RMND5B: variants seen among roughly 807,000 people sequenced by gnomAD.
The protein encoded by RMND5B is E3 ubiquitin-protein transferase RMND5B.
In RMND5B, 42 loss-of-function variants were observed where a neutral mutation model predicts 50.4. The ratio of observed to expected loss-of-function variants is 0.83; its 90% CI spans 0.65 to 1.08. The LOEUF is 1.08. Among genes scored for constraint, RMND5B ranks in the 50% least tolerant of loss-of-function variants. The pLI is 0.00. For synonymous variants in RMND5B, 220 were observed against 210.0 expected, an observed-to-expected ratio of 1.05 and a Z score of -0.41; for missense variants, 463 against 508.5, an observed-to-expected ratio of 0.91 and a Z score of 0.86.
rs542136814 is a variant in RMND5B, at chr5:178,143,880, G to A, written c.528-62G>A. The A allele has an allele frequency of 6.0e-5, 95 of 1,585,482 alleles. No individual in the cohort carries two copies. In the African/African-American group the frequency reaches 9.7e-4, roughly 16 times the overall value. On this transcript the variant is annotated intron_variant, in intron 6 of 10. Coordinates refer to ENST00000313386, the MANE Select transcript of RMND5B (RefSeq NM_022762.5). Reference sequence around the variant, plus strand: ...CAGGCTTTTGGGGCCCTCCTCTCAGGTGCTGGCTCTCAGGTCCTAGCCCCC... The same window carrying A: ...CAGGCTTTTGGGGCCCTCCTCTCAGATGCTGGCTCTCAGGTCCTAGCCCCC...
At position 178,142,942 on chromosome 5, in the gene RMND5B, G is replaced by A; in HGVS notation, c.376G>A (p.Glu126Lys). ...QQQILQMAIV[E>K]HLYQQGMLSV... Reference sequence around the variant, plus strand: ...GCAGATCCTGCAGATGGCCATCGTGGAACACCTGTATCAGCAGGGCATGCT... The same window carrying A: ...GCAGATCCTGCAGATGGCCATCGTGAAACACCTGTATCAGCAGGGCATGCT... Residue 126 changes from glutamate (E) to lysine (K), a missense_variant, in exon 5 of 11, where the codon GAA becomes AAA. Physicochemically the swap from Glu to Lys is moderately conservative, Grantham distance 56. Coordinates refer to ENST00000313386, the MANE Select transcript of RMND5B (RefSeq NM_022762.5). 3.1e-6 allele frequency: 5 copies of A among 1,614,212 alleles called. No individual in the cohort carries two copies. The highest frequency in any genetic ancestry group is 4.2e-6 in the Non-Finnish European group (5 of 1,180,046).
At chr5:178,134,904 G>C (rs980464002) in intron 2 of RMND5B, among the ~76,000 whole-genome samples, 4 of 151,750 alleles carry the variant, frequency 2.6e-5, no homozygotes, top group East Asian at 3.9e-4. Flanking sequence ...TTGGACCCGG[G>C]AGGTGGAGGT....
intron 2 of RMND5B, among the ~76,000 whole-genome samples, chr5:178,132,824 T>C (rs1182432845): frequency 1.6e-4 from 22 of 138,210 alleles, no homozygotes; most frequent in Non-Finnish European, 2.9e-4. Context: ...GCGTTAAGAA[T>C]TGGGTCAATG....
At chr5:178,139,389 T>G (rs1335557491) in intron 3 of RMND5B, among the ~76,000 whole-genome samples, 1 of 151,892 alleles carries the variant, frequency 6.6e-6, no homozygotes, top group Non-Finnish European at 1.5e-5. Flanking sequence ...TATTTTTTAG[T>G]ACAGGTGGGG....
At chr5:178,145,307 A>ACCTCCACCTCCCCAGTGGATTTTACAGTC (rs1755933151) in intron 7 of RMND5B, among the ~76,000 whole-genome samples, 1 of 151,738 alleles carries the variant, frequency 6.6e-6, no homozygotes, top group African/African-American at 2.4e-5. Context: ...CAACATGGTG[A>ACCTCCACCTCCCCAGTGGATTTTACAGTC]AACCCCATCT....
intron 6 of RMND5B, 27 bp from the exon 7 acceptor site, chr5:178,143,915 A>G (rs1294747554): frequency 6.2e-7 from 1 of 1,612,672 alleles, no homozygotes; most frequent in South Asian, 1.1e-5. Flanking sequence ...CACCAGCTCT[A>G]CACTAAACTG....
At chr5:178,141,920 G>A (rs1333887182) in intron 3 of RMND5B, 1 of 152,504 alleles carries the variant, frequency 6.6e-6, no homozygotes, top group African/African-American at 2.4e-5. Context: ...ATTTTGGACA[G>A]TTCATATACA....
At chr5:178,142,824 C>T in intron 4 of RMND5B, 28 bp from the exon 5 acceptor site, 1 of 1,614,258 alleles carries the variant, frequency 6.2e-7, no homozygotes, top group South Asian at 1.1e-5. Context: ...GCCCGCATCA[C>T]CAGGCCCTGT....
rs1325642867 is a variant in RMND5B at position 178,137,440 on chromosome 5, C to T, written c.-12-668C>T. Reference sequence around the variant, plus strand: ...TGGTGGCTTATGCCTATAATCCCAGCACTTTGAGAGGCCAAGGTGGAAAGA... The same window carrying T: ...TGGTGGCTTATGCCTATAATCCCAGTACTTTGAGAGGCCAAGGTGGAAAGA... On this transcript the variant is annotated intron_variant, in intron 2 of 10. Coordinates refer to ENST00000313386, the MANE Select transcript of RMND5B (RefSeq NM_022762.5). The surrounding 1 kb of genome is among the most constrained non-coding windows in gnomAD (Gnocchi z 4.4). Among the ~76,000 whole-genome samples, 2 of 152,160 alleles carry T rather than the reference C, an allele frequency of 1.3e-5. No individual in the cohort carries two copies. The highest frequency in any genetic ancestry group is 2.4e-5 in the African/African-American group (1 of 41,430).
chr5:178,133,894 T>C (rs1758470907), intron 2 of RMND5B, among the ~76,000 whole-genome samples: 1 of 151,956 alleles, frequency 6.6e-6, no homozygotes, highest in Admixed American at 6.6e-5. Flanking sequence ...TGTATTTTTT[T>C]AGTAGAGATG....
In RMND5B at chr5:178,149,291, C is replaced by G. The variant is rs568405040; in HGVS notation, c.*1259C>G. The G allele has an allele frequency of 5.9e-6, 1 of 169,620 alleles. No homozygotes were observed. Among genetic ancestry groups the G allele is most frequent in the African/African-American group, 2.4e-5 (1 of 41,882 alleles). 10.5% of individuals were successfully genotyped at this position (169,620 alleles called of 1,614,324 possible). On this transcript the variant is annotated 3_prime_UTR_variant, in exon 11 of 11. Transcript: ENST00000313386. ...GAAAATGCTGGGATAGCAGCAGGAT[C>G]AGTTCTCAGCTTGAGCCAAAGCACC...
intron 7 of RMND5B, among the ~76,000 whole-genome samples, chr5:178,145,354 C>T (rs1382184049): frequency 2.6e-5 from 4 of 151,724 alleles, no homozygotes; most frequent in African/African-American, 7.3e-5. Flanking sequence ...GGCGTGGTGG[C>T]GGGCACCTGT....
chr5:178,139,690 C>T (rs1017678080), intron 3 of RMND5B, among the ~76,000 whole-genome samples: 1 of 150,978 alleles, frequency 6.6e-6, no homozygotes, highest in Non-Finnish European at 1.5e-5. Context: ...TTTACAGGCC[C>T]GTACCACCAT....
chr5:178,144,035 A>G lies in RMND5B; in HGVS notation c.621A>G (p.Gly207=). ...TGCACTTCATCCGCCTCTTGGCAGG[A>G]GGCCCCGCGAAGCAGCTGGAGGCCC... ...HRLHFIRLLA[G]GPAKQLEALS... is the part of the protein sequence containing the mutation. Residue 207 remains glycine, a synonymous_variant, in exon 7 of 11, where the codon GGA becomes GGG. Transcript: ENST00000313386. 1 of 1,614,252 alleles carries G rather than the reference A, an allele frequency of 6.2e-7. No individual in the cohort carries two copies. Among genetic ancestry groups the G allele is most frequent in the Non-Finnish European group, 8.5e-7 (1 of 1,180,050 alleles).
At chr5:178,133,965 G>A (rs56323827) in intron 2 of RMND5B, among the ~76,000 whole-genome samples, 8,887 of 149,838 alleles carry the variant, frequency 0.059, 330 homozygotes, top group South Asian at 0.079. Context: ...CACTCGCCTC[G>A]GCCTCCCAAA....
At position 178,142,858 on chromosome 5, in the gene RMND5B, G is replaced by T. The variant is rs748645168; in HGVS notation, c.292G>T (p.Asp98Tyr). Residue 98 changes from aspartate (D) to tyrosine (Y), a missense_variant, in exon 5 of 11, where the codon GAC (aspartate) becomes TAC (tyrosine). Coordinates refer to ENST00000313386, the MANE Select transcript of RMND5B (RefSeq NM_022762.5). Reference sequence around the variant, plus strand: ...GTCTCTCCTCCTTCGTCAGAACTTCGACTCTGAGATCTGTGGTGTTGTGTC... The same window carrying T: ...GTCTCTCCTCCTTCGTCAGAACTTCTACTCTGAGATCTGTGGTGTTGTGTC... ...RVGKAIDRNF[D>Y]SEICGVVSDA... 8 of 1,614,054 alleles carry T rather than the reference G, an allele frequency of 5.0e-6. No individual in the cohort carries two copies. The highest frequency in any genetic ancestry group is 6.8e-6 in the Non-Finnish European group (8 of 1,180,040).
chr5:178,140,298 G>A (rs1466044834), intron 3 of RMND5B, among the ~76,000 whole-genome samples: 2 of 151,726 alleles, frequency 1.3e-5, no homozygotes, highest in Non-Finnish European at 2.9e-5. Flanking sequence ...CTCAGCCTCA[G>A]AAGTAGCTGG....
In RMND5B at chr5:178,143,071, C is replaced by T. The variant is rs142943528; in HGVS notation, c.426+79C>T. On this transcript the variant is annotated intron_variant, in intron 5 of 10. Coordinates refer to ENST00000313386, the MANE Select transcript of RMND5B (RefSeq NM_022762.5). The stretch of plus-strand genomic sequence containing the variant: ...TAGTTTTCACTGTATGAAGTCCCTA[C>T]CATTCTCAAATCCATTTATTTCCTA... The T allele has an allele frequency of 8.6e-4, 1,273 of 1,474,416 alleles. 12 individuals carry two copies. The African/African-American group carries it at 0.016, about 19-fold the overall frequency. 91.3% of individuals were successfully genotyped at this position (1,474,416 alleles called of 1,614,324 possible).
chr5:178,146,152 C>T lies in RMND5B; in HGVS notation c.733C>T (p.Leu245=). ...VMMGSLVYLR[L]GLEKSPYCHL... ...GATGGGCAGCCTGGTGTACCTGCGG[C>T]TGGGCTTGGAGAAGTCACCCTACTG... Residue 245 remains leucine, a synonymous_variant, in exon 8 of 11, where the codon CTG becomes TTG. Coordinates refer to ENST00000313386, the MANE Select transcript of RMND5B (RefSeq NM_022762.5). 6.2e-7 allele frequency: 1 copy of T among 1,614,174 alleles called. No homozygotes were observed. Among genetic ancestry groups the T allele is most frequent in the Non-Finnish European group, 8.5e-7 (1 of 1,180,016 alleles).
Sources: gnomAD v4.1 joint callset for allele counts (sites outside exome capture counted in the v4.1 genomes callset) on GRCh38, gnomAD v4.1.1 for gene constraint, Gnocchi (gnomAD v3.1) non-coding constraint, MANE v1.5 for transcripts, NCBI Gene and HGNC (gene_info 2026-07-23, HGNC 2026-07-21) for gene names.